OPA1: variants seen among roughly 807,000 people sequenced by gnomAD.
The protein encoded by OPA1 is OPA1 mitochondrial dynamin like GTPase, also known as dynamin-like GTPase OPA1, mitochondrial.
Under a neutral mutation model 152.9 loss-of-function variants are expected in OPA1, and 59 were observed. The observed-to-expected ratio is 0.39, with a 90% CI of 0.31 to 0.48. The LOEUF (loss-of-function observed/expected upper bound fraction) is 0.48, where lower values mean the gene tolerates loss of function less well. Among genes scored for constraint, OPA1 ranks in the 20% least tolerant of loss-of-function variants. The pLI, the probability that OPA1 is intolerant of heterozygous loss-of-function variation, is 0.96. For synonymous variants in OPA1, 400 were observed against 389.9 expected (o/e 1.03, Z -0.31); for missense variants, 1,008 against 1,216.8 (o/e 0.83, Z 2.55).
chr3:193,605,688 G>A (rs1479822356), intron 1 of OPA1, among the ~76,000 whole-genome samples: 1 of 152,146 alleles, frequency 6.6e-6, no homozygotes, highest in Admixed American at 6.5e-5. Context: ...TTCTGTTTCT[G>A]AGGAAAATTT....
intron 1 of OPA1, among the ~76,000 whole-genome samples, chr3:193,605,250 A>T (rs1218393213): frequency 2.0e-5 from 3 of 152,212 alleles, no homozygotes; most frequent in Non-Finnish European, 4.4e-5. Flanking sequence ...GTTATAAAGT[A>T]TTAGGATTTG....
At chr3:193,664,798 T>A (rs1219944049) in intron 26 of OPA1, 82 bp from the exon 27 acceptor site, 1 of 809,262 alleles carries the variant, frequency 1.2e-6, no homozygotes, top group Admixed American at 2.1e-5. Context: ...TTGGTAAATA[T>A]AATTTTTGTA....
rs572458256 is a variant in OPA1 at position 193,620,478 on chromosome 3, G to A, written c.678+1542G>A. Among the ~76,000 whole-genome samples, 7 of 152,144 alleles carry A rather than the reference G, an allele frequency of 4.6e-5. No homozygotes were observed. In the South Asian group the frequency reaches 1.5e-3, roughly 32 times the overall value. On this transcript the variant is annotated intron_variant, in intron 6 of 30. Transcript: ENST00000361510. ...AGATTTTATTTTATACAGTAGACAT[G>A]GAATTAAATTTATTACATTATGTTC... is the stretch of plus-strand genomic sequence containing the variant.
chr3:193,659,774 A>C (rs1470364326), intron 25 of OPA1, among the ~76,000 whole-genome samples: 1 of 152,192 alleles, frequency 6.6e-6, no homozygotes, highest in Admixed American at 6.5e-5. Flanking sequence ...GTTAAAAGAC[A>C]AGAGATGAAA....
At position 193,682,082 on chromosome 3, in the gene OPA1, C is replaced by A. The variant is rs369250727; in HGVS notation, c.2984-9981C>A. ...AAATTGTGAATGCAAAAGAAAAGTT[C>A]TTGAAGGAAATTAAAAGTGTTATTC... On this transcript the variant is annotated intron_variant, in intron 29 of 30. Coordinates refer to ENST00000361510, the MANE Select transcript of OPA1 (RefSeq NM_130837.3). Among the ~76,000 whole-genome samples the A allele has an allele frequency of 4.6e-5, 7 of 152,282 alleles. No individual in the cohort carries two copies. The South Asian group carries it at 1.4e-3, about 32-fold the overall frequency.
At chr3:193,608,377 T>C (rs1727629875) in intron 1 of OPA1, among the ~76,000 whole-genome samples, 1 of 152,218 alleles carries the variant, frequency 6.6e-6, no homozygotes, top group South Asian at 2.1e-4. Context: ...GCTTTGAATG[T>C]GTCCCAGAGA....
chr3:193,649,085 TTTTC>T (rs1287901980), intron 21 of OPA1, among the ~76,000 whole-genome samples: 1 of 152,164 alleles, frequency 6.6e-6, no homozygotes. Context: ...TCTCTTTGCC[TTTTC>T]TTTATCTTAT....
chr3:193,643,891 A>G, intron 15 of OPA1, 84 bp from the exon 16 acceptor site: 1 of 1,375,320 alleles, frequency 7.3e-7, no homozygotes, highest in Non-Finnish European at 1.0e-6. Flanking sequence ...TATAATGTAG[A>G]CACAGGGGTA....
rs1210775978 is a variant in OPA1 at position 193,695,571 on chromosome 3, T to G, written c.*971T>G. On this transcript the variant is annotated 3_prime_UTR_variant, in exon 31 of 31. Transcript: ENST00000361510. Reference sequence around the variant, plus strand: ...CCCTCTCAGCTGAATAAAGAAAAATTTAGTTCAATTTATTGCAATTTAATT... The same window carrying G: ...CCCTCTCAGCTGAATAAAGAAAAATGTAGTTCAATTTATTGCAATTTAATT... 1 of 152,194 alleles carries G rather than the reference T, an allele frequency of 6.6e-6. No homozygotes were observed. The highest frequency in any genetic ancestry group is 1.5e-5 in the Non-Finnish European group (1 of 68,018). The allele number at this position is 152,194 out of a possible 1,614,324, so 9.4% of individuals were successfully genotyped here.
intron 30 of OPA1, among the ~76,000 whole-genome samples, chr3:193,693,618 C>A (rs535061995): frequency 1.3e-5 from 2 of 151,848 alleles, no homozygotes; most frequent in Non-Finnish European, 2.9e-5. Context: ...CCAGCCTGGG[C>A]GACAGAGCGA....
At chr3:193,595,800 A>T (rs1242639683) in intron 1 of OPA1, among the ~76,000 whole-genome samples, 1 of 150,098 alleles carries the variant, frequency 6.7e-6, no homozygotes. Flanking sequence ...TCTTCCTTTC[A>T]TTTTTCCTGT....
intron 6 of OPA1, chr3:193,624,040 C>A (rs1730624533): frequency 6.6e-6 from 1 of 152,484 alleles, no homozygotes; most frequent in South Asian, 2.1e-4. Context: ...GAGACATGTC[C>A]CTAGAGTGTT....
At chr3:193,676,669 C>G (rs1020141735) in intron 29 of OPA1, among the ~76,000 whole-genome samples, 1 of 152,090 alleles carries the variant, frequency 6.6e-6, no homozygotes, top group Non-Finnish European at 1.5e-5. Context: ...TTTTTCATGG[C>G]CTAAGTCTGT....
chr3:193,645,869 T>G, intron 18 of OPA1, 69 bp downstream of exon 18: 1 of 1,219,432 alleles, frequency 8.2e-7, no homozygotes, highest in Middle Eastern at 2.1e-4. Context: ...CTGTTTTCAC[T>G]TAAAACATCA....
intron 28 of OPA1, 119 bp downstream of exon 28, chr3:193,666,508 C>T (rs1018902714): frequency 1.1e-6 from 1 of 880,642 alleles, no homozygotes; most frequent in Non-Finnish European, 1.8e-6. Flanking sequence ...GAAAAACTGG[C>T]CAGGTGTGGT....
At chr3:193,682,542 A>G (rs2109402046) in intron 29 of OPA1, among the ~76,000 whole-genome samples, 1 of 152,304 alleles carries the variant, frequency 6.6e-6, no homozygotes, top group South Asian at 2.1e-4. Context: ...GCTTCGAAAG[A>G]GAGGCTATCC....
chr3:193,630,722 G>A (rs1731946486), intron 7 of OPA1, among the ~76,000 whole-genome samples: 1 of 152,112 alleles, frequency 6.6e-6, no homozygotes, highest in African/African-American at 2.4e-5. Flanking sequence ...AGGCTGGGAT[G>A]ACAACTTCTG....
At chr3:193,612,438 CT>C (rs1276648381) in intron 1 of OPA1, among the ~76,000 whole-genome samples, 1 of 152,050 alleles carries the variant, frequency 6.6e-6, no homozygotes, top group Non-Finnish European at 1.5e-5. Context: ...GTTGCTTAAG[CT>C]TTTCATTTGG....
chr3:193,593,814 C>G (rs548422025), intron 1 of OPA1, among the ~76,000 whole-genome samples: 49 of 152,218 alleles, frequency 3.2e-4, no homozygotes, highest in Non-Finnish European at 5.6e-4. Context: ...TCTCCTAACT[C>G]TCGGTGTCTT....
Sources: allele counts gnomAD v4.1 joint callset (sites outside exome capture counted in the v4.1 genomes callset), GRCh38; gene constraint gnomAD v4.1.1; transcripts MANE v1.5; gene names NCBI Gene and HGNC (gene_info 2026-07-23, HGNC 2026-07-21).